The following VWC2L variants were observed in gnomAD, a reference collection of about 807,000 sequenced individuals.
VWC2L encodes the protein von Willebrand factor C domain containing 2 like.
VWC2L carries 10 observed loss-of-function variants against 21.6 expected under a neutral mutation model. That is an observed-to-expected ratio of 0.46 (90% CI 0.29 to 0.78). The LOEUF (loss-of-function observed/expected upper bound fraction) is 0.78, where lower values mean the gene tolerates loss of function less well. Ranked by LOEUF, VWC2L falls within the 30% of genes least tolerant of loss-of-function variation. VWC2L has a pLI of 0.10. For missense variants in VWC2L, 209 were observed against 277.1 expected (o/e 0.75, Z 1.74); for synonymous variants, 96 against 94.3 (o/e 1.02, Z -0.10).
In VWC2L at chr2:214,560,850, G is replaced by T. The variant is rs558537210; in HGVS notation, c.521-14822G>T. Among the ~76,000 whole-genome samples the T allele has an allele frequency of 2.4e-4, 36 of 152,242 alleles. No individual in the cohort carries two copies. The South Asian group carries it at 7.5e-3, about 32-fold the overall frequency. Reference sequence around the variant, plus strand: ...GAAACACAATAATGACAGCTCAAAGGCTGATGCTGAGACTTGCAAGTAATT... The same window carrying T: ...GAAACACAATAATGACAGCTCAAAGTCTGATGCTGAGACTTGCAAGTAATT... On this transcript the variant is annotated intron_variant, in intron 3 of 3. Coordinates refer to ENST00000312504, the MANE Select transcript of VWC2L (RefSeq NM_001080500.4).
intron 3 of VWC2L, among the ~76,000 whole-genome samples, chr2:214,449,760 A>C (rs920107869): frequency 6.6e-6 from 1 of 152,212 alleles, no homozygotes; most frequent in Non-Finnish European, 1.5e-5. Flanking sequence ...AAGTTCCTGC[A>C]TACATACTTA....
intron 3 of VWC2L, 117 bp downstream of exon 3, chr2:214,436,875 G>T: frequency 8.5e-7 from 1 of 1,174,050 alleles, no homozygotes. Context: ...TTTTCAATAT[G>T]GGCATGGCGG....
intron 3 of VWC2L, among the ~76,000 whole-genome samples, chr2:214,494,778 C>CT (rs58706998): frequency 2.5e-4 from 37 of 147,046 alleles, no homozygotes; most frequent in East Asian, 8.0e-4. Context: ...GCACTAGGTA[C>CT]TTTTTTTTTT....
intron 1 of VWC2L, 37 bp from the exon 2 acceptor site, chr2:214,414,077 A>G (rs1702316938): frequency 2.6e-6 from 3 of 1,149,108 alleles, no homozygotes; most frequent in Admixed American, 2.8e-5. Context: ...TTCACTTTAT[A>G]TATGTCAAAT....
intron 3 of VWC2L, among the ~76,000 whole-genome samples, chr2:214,459,990 G>A (rs765751944): frequency 1.5e-5 from 2 of 133,180 alleles, no homozygotes; most frequent in Admixed American, 8.8e-5. Context: ...TCACTGCAAC[G>A]TCCGTCTCCC....
intron 3 of VWC2L, among the ~76,000 whole-genome samples, chr2:214,549,588 C>T (rs942670722): frequency 1.3e-5 from 2 of 152,182 alleles, no homozygotes; most frequent in African/African-American, 4.8e-5. Context: ...GCCTGGCCAA[C>T]ATGGTGAAAC....
intron 3 of VWC2L, among the ~76,000 whole-genome samples, chr2:214,456,431 T>C (rs558079070): frequency 6.6e-6 from 1 of 151,994 alleles, no homozygotes; most frequent in Non-Finnish European, 1.5e-5. Context: ...TTTTGTTTTG[T>C]TTTTTGCTGT....
intron 3 of VWC2L, among the ~76,000 whole-genome samples, chr2:214,548,652 C>G (rs1036970838): frequency 1.3e-5 from 2 of 152,146 alleles, no homozygotes; most frequent in African/African-American, 2.4e-5. Flanking sequence ...GACAATTTGT[C>G]AAGGGGCTGC....
chr2:214,523,157 C>T (rs1689271052), intron 3 of VWC2L, among the ~76,000 whole-genome samples: 1 of 152,186 alleles, frequency 6.6e-6, no homozygotes, highest in African/African-American at 2.4e-5. Context: ...AGCCCCATGC[C>T]ATTGCCTTAT....
intron 3 of VWC2L, among the ~76,000 whole-genome samples, chr2:214,443,046 A>G (rs187385103): frequency 5.3e-5 from 8 of 152,302 alleles, no homozygotes; most frequent in Non-Finnish European, 7.4e-5. Context: ...GTCTAATATC[A>G]TCTCAGGTTA....
chr2:214,428,099 C>T (rs1297336079), intron 2 of VWC2L, among the ~76,000 whole-genome samples: 1 of 152,130 alleles, frequency 6.6e-6, no homozygotes, highest in East Asian at 1.9e-4. Context: ...ACAGCCATTG[C>T]AAATGGACGA....
intron 3 of VWC2L, among the ~76,000 whole-genome samples, chr2:214,551,165 G>A (rs976417085): frequency 2.0e-5 from 3 of 152,188 alleles, no homozygotes; most frequent in Non-Finnish European, 4.4e-5. Context: ...TTTGAGGTTC[G>A]AAGGTCAGAG....
At chr2:214,529,175 A>C (rs1291057145) in intron 3 of VWC2L, among the ~76,000 whole-genome samples, 1 of 152,148 alleles carries the variant, frequency 6.6e-6, no homozygotes, top group Non-Finnish European at 1.5e-5. Context: ...TCCTTTCCCA[A>C]GGCCAGCTTT....
intron 3 of VWC2L, among the ~76,000 whole-genome samples, chr2:214,471,076 T>G (rs956959763): frequency 2.0e-5 from 3 of 152,188 alleles, no homozygotes; most frequent in African/African-American, 7.2e-5. Context: ...TTCAAGGGTA[T>G]TTCAATGATT....
chr2:214,542,275 T>C (rs951487164), intron 3 of VWC2L, among the ~76,000 whole-genome samples: 1 of 152,180 alleles, frequency 6.6e-6, no homozygotes, highest in Non-Finnish European at 1.5e-5. Context: ...GCTTGGAAGA[T>C]GACATAAACA....
chr2:214,437,651 G>C (rs1241730645), intron 3 of VWC2L, among the ~76,000 whole-genome samples: 1 of 152,102 alleles, frequency 6.6e-6, no homozygotes, highest in East Asian at 1.9e-4. Flanking sequence ...GCCTTTTCTT[G>C]AGTTGGCAAT....
intron 3 of VWC2L, among the ~76,000 whole-genome samples, chr2:214,499,733 T>C (rs1201420159): frequency 2.0e-5 from 3 of 152,234 alleles, no homozygotes; most frequent in African/African-American, 7.2e-5. Flanking sequence ...TATTCATGCA[T>C]TGATTGATTC....
At chr2:214,434,592 G>A (rs1702650246) in intron 2 of VWC2L, among the ~76,000 whole-genome samples, 1 of 152,076 alleles carries the variant, frequency 6.6e-6, no homozygotes, top group African/African-American at 2.4e-5. Flanking sequence ...CCCTGGGAAA[G>A]TTATTAAACC....
At chr2:214,512,407 G>A (rs1689070428) in intron 3 of VWC2L, among the ~76,000 whole-genome samples, 1 of 152,160 alleles carries the variant, frequency 6.6e-6, no homozygotes, top group Non-Finnish European at 1.5e-5. Flanking sequence ...CTGTTGGAGG[G>A]TGGGGAGTGG....
Sources: allele counts gnomAD v4.1 joint callset (sites outside exome capture counted in the v4.1 genomes callset), GRCh38; gene constraint gnomAD v4.1.1; transcripts MANE v1.5; gene names NCBI Gene and HGNC (gene_info 2026-07-23, HGNC 2026-07-21).